Variants in ZFP91 observed in about 807,000 individuals in gnomAD.
ZFP91 encodes the protein E3 ubiquitin-protein ligase ZFP91.
In ZFP91, 7 loss-of-function variants were observed where a neutral mutation model predicts 63.5. That is an observed-to-expected ratio of 0.11 (90% CI 0.06 to 0.21). The LOEUF is 0.21. ZFP91 is among the 10% of genes least tolerant of loss of function. The pLI, the probability that ZFP91 is intolerant of heterozygous loss-of-function variation, is 1.00. For synonymous variants in ZFP91, 330 were observed against 272.1 expected, an observed-to-expected ratio of 1.21 and a Z score of -2.10; for missense variants, 628 against 736.6, an observed-to-expected ratio of 0.85 and a Z score of 1.71.
At chr11:58,614,077 A>G (rs1855710053) in intron 8 of ZFP91, 152 bp from the exon 9 acceptor site, 2 of 458,606 alleles carry the variant, frequency 4.4e-6, no homozygotes, top group Non-Finnish European at 3.9e-6. Context: ...ATTTCCACCT[A>G]TGTTCTTAGC....
Position 58,611,366 on chromosome 11 carries a change from A to G in ZFP91, c.723-238A>G, listed in dbSNP as rs951190878. ...AATTGTCTCGTTTCTCTTTACAATT[A>G]TAGTGAAATTTGATTTACAGGCATC... On this transcript the variant is annotated intron_variant, in intron 5 of 10. Coordinates refer to ENST00000316059, the MANE Select transcript of ZFP91 (RefSeq NM_053023.5). 8 of 530,042 alleles carry G rather than the reference A, an allele frequency of 1.5e-5. No individual in the cohort carries two copies. The Admixed American group carries it at 1.8e-4, about 12-fold the overall frequency. 32.8% of individuals were successfully genotyped at this position (530,042 alleles called of 1,614,324 possible). A position where few individuals can be genotyped will look rare whatever the true frequency, so the allele number is the denominator to read the frequency against.
chr11:58,613,706 GATT>G lies in ZFP91; in HGVS notation c.988-510_988-508del, dbSNP rs376630547. 3.0e-3 allele frequency among the ~76,000 whole-genome samples: 454 copies of G among 152,180 alleles called. 3 individuals carry two copies. The highest frequency in any genetic ancestry group is 0.01 in the African/African-American group (417 of 41,556). On this transcript the variant is annotated intron_variant, in intron 8 of 10. Transcript: ENST00000316059. ...GTTTTGTTTTTATTTTTCTTGAGTA[GATT>G]ATTATTATTATTTTTGATGAGTAAA...
chr11:58,587,406 G>A (rs1855229699), intron 2 of ZFP91, among the ~76,000 whole-genome samples: 1 of 152,092 alleles, frequency 6.6e-6, no homozygotes, highest in Non-Finnish European at 1.5e-5. Context: ...AAATGATAAG[G>A]GAAGACCTTT....
chr11:58,608,839 T>A (rs927782794), intron 2 of ZFP91, among the ~76,000 whole-genome samples: 1 of 152,112 alleles, frequency 6.6e-6, no homozygotes, highest in Non-Finnish European at 1.5e-5. Context: ...GCCTGACCTT[T>A]TGATCTGCCC....
intron 6 of ZFP91, 73 bp downstream of exon 6, chr11:58,611,811 G>A: frequency 6.6e-7 from 1 of 1,518,294 alleles, no homozygotes; most frequent in South Asian, 1.3e-5. Context: ...GTGGGAGTGT[G>A]AGGAAGGATG....
At chr11:58,594,426 T>C (rs1361655797) in intron 2 of ZFP91, among the ~76,000 whole-genome samples, 1 of 152,212 alleles carries the variant, frequency 6.6e-6, no homozygotes, top group Non-Finnish European at 1.5e-5. Flanking sequence ...GAGCTGTGTT[T>C]TCAGAGAAAC....
intron 8 of ZFP91, among the ~76,000 whole-genome samples, chr11:58,613,922 C>CATA: frequency 6.6e-6 from 1 of 152,302 alleles, no homozygotes; most frequent in East Asian, 1.9e-4. Flanking sequence ...CAGTACAATA[C>CATA]ATAATCTCTT....
chr11:58,603,602 G>T (rs1316719591), intron 2 of ZFP91, among the ~76,000 whole-genome samples: 4 of 152,182 alleles, frequency 2.6e-5, no homozygotes, highest in African/African-American at 4.8e-5. Flanking sequence ...AGACAGAATG[G>T]AATTAAAGAA....
intron 2 of ZFP91, among the ~76,000 whole-genome samples, chr11:58,589,937 C>T (rs563586475): frequency 5.3e-4 from 80 of 152,276 alleles, no homozygotes; most frequent in African/African-American, 1.9e-3. Context: ...GTAAATGAGT[C>T]TTAACTTTAT....
rs1175455311 is a variant in ZFP91, at chr11:58,617,734, A to T, written c.*28A>T. Reference sequence around the variant, plus strand: ...GACAGGAAGACTTGGGGCATGGGACAGCTCAGACTTTGTATTTAAAAGTTA... The same window carrying T: ...GACAGGAAGACTTGGGGCATGGGACTGCTCAGACTTTGTATTTAAAAGTTA... On this transcript the variant is annotated 3_prime_UTR_variant, in exon 11 of 11. Coordinates refer to ENST00000316059, the MANE Select transcript of ZFP91 (RefSeq NM_053023.5). The surrounding 1 kb of genome is among the most constrained non-coding windows in gnomAD (Gnocchi z 4.2). 1 of 1,465,202 alleles carries T rather than the reference A, an allele frequency of 6.8e-7. No homozygotes were observed. The allele number at this position is 1,465,202 out of a possible 1,614,324, so 90.8% of individuals were successfully genotyped here.
chr11:58,605,773 A>G (rs1194392587), intron 2 of ZFP91, among the ~76,000 whole-genome samples: 2 of 151,986 alleles, frequency 1.3e-5, no homozygotes, highest in Non-Finnish European at 2.9e-5. Flanking sequence ...GAGTTAGGTA[A>G]AGTTCTTGTT....
intron 5 of ZFP91, 112 bp from the exon 6 acceptor site, chr11:58,611,492 T>C: frequency 7.5e-7 from 1 of 1,327,456 alleles, no homozygotes; most frequent in Non-Finnish European, 1.0e-6. Context: ...TTTCATGAAC[T>C]GAGGAAGGTA....
chr11:58,613,670 T>G (rs900307022), intron 8 of ZFP91, among the ~76,000 whole-genome samples: 1 of 152,126 alleles, frequency 6.6e-6, no homozygotes, highest in Admixed American at 6.6e-5. Context: ...AATAAAAGAC[T>G]TTTAGTTGAG....
intron 2 of ZFP91, among the ~76,000 whole-genome samples, chr11:58,599,177 A>G (rs1033317532): frequency 6.7e-5 from 10 of 150,032 alleles, no homozygotes; most frequent in African/African-American, 1.7e-4. Context: ...TTGTATGTAT[A>G]TATGACATTT....
At chr11:58,607,938 G>T (rs12797345) in intron 2 of ZFP91, among the ~76,000 whole-genome samples, 5,287 of 151,952 alleles carry the variant, frequency 0.035, 135 homozygotes, top group Non-Finnish European at 0.056. Context: ...CCTCCATGTG[G>T]TAGTTTATAT....
intron 2 of ZFP91, among the ~76,000 whole-genome samples, chr11:58,590,158 C>A (rs879636630): frequency 2.0e-5 from 3 of 152,184 alleles, no homozygotes; most frequent in Non-Finnish European, 4.4e-5. Context: ...AAATCCAAAA[C>A]CTTTAAGAGA....
intron 8 of ZFP91, 41 bp downstream of exon 8, chr11:58,612,881 C>T: frequency 6.5e-7 from 1 of 1,543,862 alleles, no homozygotes. Flanking sequence ...AGGTTGTGTT[C>T]CATTACTTGT....
intron 2 of ZFP91, among the ~76,000 whole-genome samples, chr11:58,588,440 G>T (rs976861462): frequency 6.6e-6 from 1 of 151,974 alleles, no homozygotes; most frequent in Non-Finnish European, 1.5e-5. Flanking sequence ...TTTTCCTCCT[G>T]TCTGGATGAC....
chr11:58,595,909 T>C (rs568055641), intron 2 of ZFP91, among the ~76,000 whole-genome samples: 1 of 152,038 alleles, frequency 6.6e-6, no homozygotes, highest in Non-Finnish European at 1.5e-5. Context: ...ACTCATAGTA[T>C]AAACCACTCT....
Sources: allele counts gnomAD v4.1 joint callset (sites outside exome capture counted in the v4.1 genomes callset), GRCh38; gene constraint gnomAD v4.1.1; non-coding constraint Gnocchi (gnomAD v3.1); transcripts MANE v1.5; gene names NCBI Gene and HGNC (gene_info 2026-07-23, HGNC 2026-07-21).